The following BCL2 variants were observed in gnomAD, a reference collection of about 807,000 sequenced individuals.
BCL2 encodes the protein apoptosis regulator Bcl-2.
A neutral mutation model predicts 14.2 loss-of-function variants in BCL2; 1 was observed. The observed-to-expected ratio is 0.07, with a 90% CI of 0.02 to 0.33. BCL2 has a LOEUF of 0.33. Ranked by LOEUF, BCL2 falls within the 10% of genes least tolerant of loss-of-function variation. The probability of loss-of-function intolerance (pLI) is 0.99; values close to 1 mark genes in which losing one functional copy is unlikely to be tolerated. For synonymous variants in BCL2, 151 were observed against 137.2 expected (o/e 1.10, Z -0.70); for missense variants, 247 against 305.9 (o/e 0.81, Z 1.44).
chr18:63,303,505 CT>C (rs1475177072), intron 2 of BCL2, among the ~76,000 whole-genome samples: 2 of 152,076 alleles, frequency 1.3e-5, no homozygotes, highest in Non-Finnish European at 2.9e-5. Flanking sequence ...TAAAGTTGTT[CT>C]TTTGTAATAT....
intron 2 of BCL2, among the ~76,000 whole-genome samples, chr18:63,275,709 T>A (rs1912132879): frequency 6.6e-6 from 1 of 152,220 alleles, no homozygotes; most frequent in Non-Finnish European, 1.5e-5. Context: ...AGGCCAGGCA[T>A]GGGGGATTCC....
intron 2 of BCL2, among the ~76,000 whole-genome samples, chr18:63,233,347 GA>G (rs1910737580): frequency 6.6e-6 from 1 of 152,180 alleles, no homozygotes; most frequent in Non-Finnish European, 1.5e-5. Context: ...GCAAGTTCCA[GA>G]AAGATGGATT....
intron 2 of BCL2, among the ~76,000 whole-genome samples, chr18:63,280,054 A>G (rs1912264861): frequency 6.6e-6 from 1 of 152,256 alleles, no homozygotes; most frequent in African/African-American, 2.4e-5. Flanking sequence ...TTACTTTAAA[A>G]TAGCCCAATG....
intron 2 of BCL2, among the ~76,000 whole-genome samples, chr18:63,203,091 G>A (rs1036384319): frequency 6.6e-6 from 1 of 152,180 alleles, no homozygotes. Flanking sequence ...AATCAATCAC[G>A]CTTCAGGAAA....
chr18:63,293,278 C>A lies in BCL2; in HGVS notation c.585+24804G>T, dbSNP rs1912706246. On this transcript the variant is annotated intron_variant, in intron 2 of 2. Transcript: ENST00000333681. Reference sequence around the variant, plus strand: ...CTCTAATTCCACTGAACATCTTAAACCAAAACATATTCAAACCCTGAACAT... The same window carrying A: ...CTCTAATTCCACTGAACATCTTAAAACAAAACATATTCAAACCCTGAACAT... Among the ~76,000 whole-genome samples, 3 of 152,338 alleles carry A rather than the reference C, an allele frequency of 2.0e-5. No homozygotes were observed. In the South Asian group the frequency reaches 6.2e-4, roughly 32 times the overall value.
Position 63,219,630 on chromosome 18 carries a change from T to A in BCL2, c.586-90871A>T, listed in dbSNP as rs140293072. ...GCAGAAATGAAGTTGCTAACCCTGA[T>A]AATTAATTTACCAGCCACCATTGTC... is the stretch of plus-strand genomic sequence containing the variant. On this transcript the variant is annotated intron_variant, in intron 2 of 2. Transcript: ENST00000333681. 3.9e-5 allele frequency among the ~76,000 whole-genome samples: 6 copies of A among 152,208 alleles called. No homozygotes were observed. The East Asian group carries it at 1.2e-3, about 29-fold the overall frequency.
In BCL2 at chr18:63,169,399, TTCTTTTTCTTTC is replaced by T. The variant is rs1915166661; in HGVS notation, c.586-40652_586-40641del. 4.1e-5 allele frequency among the ~76,000 whole-genome samples: 5 copies of T among 122,646 alleles called. 1 individual carries two copies. The highest frequency in any genetic ancestry group is 1.7e-4 in the African/African-American group (4 of 24,178). 80.5% of individuals were successfully genotyped at this position (122,646 alleles called of 152,430 possible). On this transcript the variant is annotated intron_variant, in intron 2 of 2. Transcript: ENST00000333681. The stretch of plus-strand genomic sequence containing the variant: ...TCTTTCTTTCTTTCTTTTTCTTTCT[TTCTTTTTCTTTC>T]TCTCTCTCTCTCTCTCTTTCTTTTT...
intron 2 of BCL2, among the ~76,000 whole-genome samples, chr18:63,199,950 GCA>G (rs370055505): frequency 3.3e-5 from 5 of 149,992 alleles, no homozygotes; most frequent in African/African-American, 7.3e-5. Context: ...ACACACACAC[GCA>G]CACACACACA....
At chr18:63,150,075 G>T (rs905953776) in intron 2 of BCL2, among the ~76,000 whole-genome samples, 1 of 152,142 alleles carries the variant, frequency 6.6e-6, no homozygotes, top group Non-Finnish European at 1.5e-5. Flanking sequence ...TAGAATTGGG[G>T]TTTCACCATG....
Position 63,128,644 on chromosome 18 carries a change from G to A in BCL2, c.701C>T (p.Ala234Val). 1 of 780,984 alleles carries A rather than the reference G, an allele frequency of 1.3e-6. No individual in the cohort carries two copies. The allele number at this position is 780,984 out of a possible 1,614,324, so 48.4% of individuals were successfully genotyped here. A position where few individuals can be genotyped will look rare whatever the true frequency, so the allele number is the denominator to read the frequency against. Residue 234 changes from alanine to valine, a missense_variant, in exon 3 of 3, where the codon GCC becomes GTC. Physicochemically the swap from Ala to Val is moderately conservative, Grantham distance 64. This residue lies in a region of BCL2 where 36 missense variants were observed against 24.9 expected (regional missense o/e 1.45). Transcript: ENST00000333681. The stretch of plus-strand genomic sequence containing the variant: ...TTGACTTCACTTGTGGCCCAGATAG[G>A]CACCCAGGGTGATGCAAGCTCCCAC... ...ALVGACITLGAYLGHK is the reference protein window; with the variant it reads ...ALVGACITLGVYLGHK
intron 2 of BCL2, among the ~76,000 whole-genome samples, chr18:63,308,223 G>A (rs891603745): frequency 2.0e-5 from 3 of 152,162 alleles, no homozygotes; most frequent in African/African-American, 7.2e-5. Context: ...TGGGAATGCC[G>A]CACTGTACTG....
At chr18:63,229,414 C>A (rs894668907) in intron 2 of BCL2, among the ~76,000 whole-genome samples, 2 of 152,076 alleles carry the variant, frequency 1.3e-5, no homozygotes, top group African/African-American at 4.8e-5. Flanking sequence ...GAGTATTTGT[C>A]CCCCCGAATC....
intron 2 of BCL2, among the ~76,000 whole-genome samples, chr18:63,291,586 T>C (rs1158823410): frequency 1.3e-5 from 2 of 152,132 alleles, no homozygotes; most frequent in East Asian, 1.9e-4. Flanking sequence ...TAAACCAAAG[T>C]GTACCATCCC....
intron 2 of BCL2, among the ~76,000 whole-genome samples, chr18:63,185,865 G>C (rs1030601549): frequency 6.6e-6 from 1 of 152,208 alleles, no homozygotes; most frequent in African/African-American, 2.4e-5. Flanking sequence ...AGTTTGGAAT[G>C]CTAACCACTT....
intron 2 of BCL2, among the ~76,000 whole-genome samples, chr18:63,133,507 C>T (rs1164991521): frequency 2.0e-5 from 3 of 152,032 alleles, no homozygotes; most frequent in Non-Finnish European, 4.4e-5. Flanking sequence ...AGGCTGGATT[C>T]AAACTCCTGG....
intron 2 of BCL2, among the ~76,000 whole-genome samples, chr18:63,150,605 A>AT (rs1207983979): frequency 4.6e-5 from 7 of 151,910 alleles, no homozygotes; most frequent in Admixed American, 6.5e-5. Flanking sequence ...ACTTCTATGT[A>AT]TTTTCCGTGT....
At chr18:63,253,289 C>G (rs188734546) in intron 2 of BCL2, among the ~76,000 whole-genome samples, 1 of 152,246 alleles carries the variant, frequency 6.6e-6, no homozygotes, top group African/African-American at 2.4e-5. Flanking sequence ...CAGACCATCT[C>G]CAGTCCATAC....
chr18:63,304,739 G>A (rs186322032), intron 2 of BCL2, among the ~76,000 whole-genome samples: 7 of 152,150 alleles, frequency 4.6e-5, no homozygotes, highest in Admixed American at 1.3e-4. Context: ...GGTCCAATGC[G>A]GCATTTTCTT....
intron 2 of BCL2, among the ~76,000 whole-genome samples, chr18:63,167,012 T>G (rs961010548): frequency 9.9e-5 from 15 of 152,174 alleles, no homozygotes; most frequent in African/African-American, 3.6e-4. Context: ...AGCTAACAAA[T>G]TCTAATGTTG....
Sources: allele counts gnomAD v4.1 joint callset (sites outside exome capture counted in the v4.1 genomes callset), GRCh38; gene constraint gnomAD v4.1.1; regional missense constraint gnomAD v4.1.1; transcripts MANE v1.5; gene names NCBI Gene and HGNC (gene_info 2026-07-23, HGNC 2026-07-21).